The following RANBP2 variants were observed in gnomAD, a reference collection of about 807,000 sequenced individuals.
The protein encoded by RANBP2 is E3 SUMO-protein ligase RanBP2.
Under a neutral mutation model 303.6 loss-of-function variants are expected in RANBP2, and 57 were observed. That is an observed-to-expected ratio of 0.19 (90% CI 0.15 to 0.23). The LOEUF is 0.23. Among genes scored for constraint, RANBP2 ranks in the 10% least tolerant of loss-of-function variants. The pLI is 1.00. For missense variants in RANBP2, 3,138 were observed against 3,780.8 expected (o/e 0.83, Z 4.46); for synonymous variants, 1,167 against 1,301.5 (o/e 0.90, Z 2.23).
the RANBP2 span, among the ~76,000 whole-genome samples, chr2:108,848,321 C>T: frequency 6.6e-6 from 1 of 152,214 alleles, no homozygotes; most frequent in South Asian, 2.1e-4. Context: ...CACTTGTGTG[C>T]AGCAGTTTTG....
chr2:108,723,570 G>C (rs1046593427), intron 1 of RANBP2, among the ~76,000 whole-genome samples: 3 of 152,056 alleles, frequency 2.0e-5, no homozygotes, highest in Admixed American at 6.6e-5. Context: ...CCACCGCGCC[G>C]GGCCCCATTT....
the RANBP2 span, among the ~76,000 whole-genome samples, chr2:109,499,760 GGTGTGTGTGTATGT>G: frequency 6.6e-6 from 1 of 152,150 alleles, no homozygotes; most frequent in Non-Finnish European, 1.5e-5. Context: ...AGAGCAGGGG[GGTGTGTGTGTATGT>G]GTGTGTGTGT....
At chr2:109,676,140 G>A in the RANBP2 span, among the ~76,000 whole-genome samples, 1 of 152,342 alleles carries the variant, frequency 6.6e-6, no homozygotes, top group East Asian at 1.9e-4. Flanking sequence ...TAGGACAAGA[G>A]CCAGAGGGCC....
the RANBP2 span, among the ~76,000 whole-genome samples, chr2:109,391,900 C>T: frequency 3.9e-5 from 6 of 152,156 alleles, no homozygotes; most frequent in South Asian, 2.1e-4. Flanking sequence ...AGTGCAGTGG[C>T]GTGACCTCTC....
At chr2:109,123,604 G>A in the RANBP2 span, among the ~76,000 whole-genome samples, 1 of 152,204 alleles carries the variant, frequency 6.6e-6, no homozygotes, top group Non-Finnish European at 1.5e-5. Context: ...TTGGATGCAA[G>A]TCTTGATTAT....
the RANBP2 span, chr2:108,884,149 T>G: frequency 1.3e-5 from 2 of 152,728 alleles, no homozygotes; most frequent in Admixed American, 1.3e-4. Context: ...GTGATCCTTC[T>G]GCCTCGGCTT....
At chr2:109,249,910 T>A in the RANBP2 span, among the ~76,000 whole-genome samples, 4 of 151,538 alleles carry the variant, frequency 2.6e-5, no homozygotes, top group Admixed American at 2.6e-4. Flanking sequence ...GGTCTCGATC[T>A]CCTGACCTCA....
the RANBP2 span, among the ~76,000 whole-genome samples, chr2:108,936,956 C>T: frequency 6.6e-6 from 1 of 152,188 alleles, no homozygotes; most frequent in Non-Finnish European, 1.5e-5. Flanking sequence ...CACTGGGTCC[C>T]ACAAATTAAA....
chr2:109,542,680 C>T, the RANBP2 span, among the ~76,000 whole-genome samples: 2 of 152,096 alleles, frequency 1.3e-5, no homozygotes, highest in Admixed American at 6.6e-5. Flanking sequence ...ACTGATCTTG[C>T]GAAGAAACTT....
the RANBP2 span, among the ~76,000 whole-genome samples, chr2:109,111,570 A>C: frequency 6.8e-6 from 1 of 147,998 alleles, no homozygotes; most frequent in Non-Finnish European, 1.5e-5. Flanking sequence ...AACTCCCTGC[A>C]TTTTGGAGAT....
chr2:109,599,632 C>T, the RANBP2 span, among the ~76,000 whole-genome samples: 1 of 152,060 alleles, frequency 6.6e-6, no homozygotes, highest in African/African-American at 2.4e-5. Context: ...ATTATACCAT[C>T]AAACTCCAAC....
chr2:109,629,743 A>C, the RANBP2 span, among the ~76,000 whole-genome samples: 3 of 151,944 alleles, frequency 2.0e-5, no homozygotes, highest in Admixed American at 2.0e-4. Flanking sequence ...CTCAGGAGGC[A>C]GAGGTTGCAG....
the RANBP2 span, among the ~76,000 whole-genome samples, chr2:109,552,380 A>AT: frequency 6.6e-6 from 1 of 152,230 alleles, no homozygotes; most frequent in Non-Finnish European, 1.5e-5. Flanking sequence ...AACACTCAAA[A>AT]AAGGCTTTAT....
At chr2:109,613,893 CG>C in the RANBP2 span, 5 of 1,199,956 alleles carry the variant, frequency 4.2e-6, no homozygotes, top group Non-Finnish European at 4.1e-6. Flanking sequence ...GTCCCGGCGA[CG>C]GCGGCGGGAA....
chr2:109,194,569 G>A, the RANBP2 span, among the ~76,000 whole-genome samples: 2 of 152,382 alleles, frequency 1.3e-5, no homozygotes, highest in Non-Finnish European at 2.9e-5. Flanking sequence ...CACTTTCAGG[G>A]CCCGGCGGGC....
Position 108,777,146 on chromosome 2 carries a change from T to C in RANBP2, c.8514T>C (p.Val2838=). 6.2e-7 allele frequency: 1 copy of C among 1,613,430 alleles called. No individual in the cohort carries two copies. The highest frequency in any genetic ancestry group is 8.5e-7 in the Non-Finnish European group (1 of 1,179,538). ...TTTTGCCAGGGGAAAGCAAGATAGT[T>C]TCATTTGGATTTGGAAGTAGCACAG... The part of the protein sequence containing the change: ...DSTSQGESKI[V]SFGFGSSTGL... Residue 2838 remains valine (V), a synonymous_variant, in exon 25 of 29, where the codon GTT becomes GTC. Transcript: ENST00000283195.
chr2:108,796,235 T>C, the RANBP2 span, among the ~76,000 whole-genome samples: 233 of 151,766 alleles, frequency 1.5e-3, no homozygotes, highest in Non-Finnish European at 2.7e-3. Context: ...TTTGTATTTT[T>C]AGTAGAGATG....
At chr2:108,963,666 C>G in the RANBP2 span, among the ~76,000 whole-genome samples, 43 of 152,196 alleles carry the variant, frequency 2.8e-4, no homozygotes, top group Non-Finnish European at 5.7e-4. Flanking sequence ...GAGCCAGGAG[C>G]CCTTTCAACA....
At chr2:109,407,598 GGCTCCA>G in the RANBP2 span, among the ~76,000 whole-genome samples, 3 of 152,158 alleles carry the variant, frequency 2.0e-5, no homozygotes, top group Admixed American at 2.0e-4. Context: ...TGCAAACTCC[GGCTCCA>G]GCTCCAGCTC....
Sources: gnomAD v4.1 joint callset for allele counts (sites outside exome capture counted in the v4.1 genomes callset) on GRCh38, gnomAD v4.1.1 for gene constraint, MANE v1.5 for transcripts, NCBI Gene and HGNC (gene_info 2026-07-23, HGNC 2026-07-21) for gene names.